Variants in ZNF536 observed in about 807,000 individuals in gnomAD.
ZNF536 encodes the protein zinc finger protein 536.
A neutral mutation model predicts 84.5 loss-of-function variants in ZNF536; 13 were observed. That is an observed-to-expected ratio of 0.15 (90% CI 0.10 to 0.24). The LOEUF is 0.24. ZNF536 is among the 10% of genes least tolerant of loss of function. The pLI is 1.00. For missense variants in ZNF536, 1,536 were observed against 1,747.5 expected, an observed-to-expected ratio of 0.88 and a Z score of 2.16; for synonymous variants, 811 against 742.5, an observed-to-expected ratio of 1.09 and a Z score of -1.50.
At chr19:30,610,773 T>G (rs928115929) in intron 1 of ZNF536, among the ~76,000 whole-genome samples, 1 of 151,520 alleles carries the variant, frequency 6.6e-6, no homozygotes, top group East Asian at 1.9e-4. Flanking sequence ...TGGAGGCGGG[T>G]GGGGGGGATG....
upstream of ZNF536, among the ~76,000 whole-genome samples, chr19:30,227,915 G>T (rs1008479701): frequency 6.6e-6 from 1 of 151,954 alleles, no homozygotes; most frequent in Non-Finnish European, 1.5e-5. Flanking sequence ...CGGGAAGCAC[G>T]CCTGACCAGA....
intron 2 of ZNF536, among the ~76,000 whole-genome samples, chr19:30,478,742 G>T (rs943092320): frequency 6.6e-6 from 1 of 152,110 alleles, no homozygotes; most frequent in Non-Finnish European, 1.5e-5. Context: ...CCTGTAAGTC[G>T]AACTGGATTC....
downstream of ZNF536, among the ~76,000 whole-genome samples, chr19:30,559,232 T>C (rs535308929): frequency 1.3e-5 from 2 of 152,342 alleles, no homozygotes; most frequent in African/African-American, 4.8e-5. Context: ...ATTCCCTTCA[T>C]ATGAAGCTGG....
At chr19:30,240,374 G>GAAA (rs11401648) in intron 1 of ZNF536, among the ~76,000 whole-genome samples, 2 of 147,110 alleles carry the variant, frequency 1.4e-5, no homozygotes, top group South Asian at 4.3e-4. Context: ...CTCTATCTCA[G>GAAA]AAAAAAAAAA....
At chr19:30,439,182 C>T (rs768309199) in intron 1 of ZNF536, among the ~76,000 whole-genome samples, 1 of 152,142 alleles carries the variant, frequency 6.6e-6, no homozygotes, top group Non-Finnish European at 1.5e-5. Context: ...CACACACACA[C>T]ACACCCTTAG....
At chr19:30,467,248 T>C (rs539100299) in intron 2 of ZNF536, among the ~76,000 whole-genome samples, 1 of 152,300 alleles carries the variant, frequency 6.6e-6, no homozygotes, top group African/African-American at 2.4e-5. Context: ...ACTGACACTC[T>C]GTACCCATTC....
chr19:30,503,335 G>A (rs535666640), intron 2 of ZNF536, among the ~76,000 whole-genome samples: 1 of 152,242 alleles, frequency 6.6e-6, no homozygotes, highest in Admixed American at 6.5e-5. Context: ...TAGAAAAATG[G>A]TCAAAGGACA....
intron 1 of ZNF536, among the ~76,000 whole-genome samples, chr19:30,680,123 C>A (rs1472144720): frequency 6.6e-6 from 1 of 152,268 alleles, no homozygotes; most frequent in Non-Finnish European, 1.5e-5. Context: ...CCGGAGATGA[C>A]AATCCTGCCT....
chr19:30,659,351 A>G (rs2050034378), intron 1 of ZNF536, among the ~76,000 whole-genome samples: 1 of 152,102 alleles, frequency 6.6e-6, no homozygotes, highest in South Asian at 2.1e-4. Context: ...AGATCTCGTG[A>G]GCACTCACTC....
At chr19:30,240,818 G>A (rs960383225) in intron 1 of ZNF536, among the ~76,000 whole-genome samples, 8 of 152,200 alleles carry the variant, frequency 5.3e-5, no homozygotes, top group African/African-American at 1.7e-4. Context: ...TTTGGTGGAC[G>A]GAACAGCAAG....
chr19:30,510,117 C>CT (rs553643291), intron 2 of ZNF536, among the ~76,000 whole-genome samples: 4 of 151,132 alleles, frequency 2.6e-5, no homozygotes, highest in Non-Finnish European at 5.9e-5. Flanking sequence ...TTCAGCATAG[C>CT]TTTTTTTTTA....
chr19:30,489,427 TA>T (rs998295571), intron 2 of ZNF536, among the ~76,000 whole-genome samples: 1 of 151,790 alleles, frequency 6.6e-6, no homozygotes, highest in African/African-American at 2.4e-5. Flanking sequence ...AAAAAATTTT[TA>T]AAAATTAGCG....
intron 2 of ZNF536, among the ~76,000 whole-genome samples, chr19:30,490,732 C>A (rs8110509): frequency 0.18 from 26,693 of 152,128 alleles, 2,532 homozygotes; most frequent in Admixed American, 0.21. Context: ...CTAGGGTCCA[C>A]TACCAGGAAA....
chr19:30,599,246 C>T lies in ZNF536; in HGVS notation c.169+49732C>T, dbSNP rs1415442675. Among the ~76,000 whole-genome samples the T allele has an allele frequency of 2.0e-5, 2 of 101,568 alleles. 1 individual carries two copies. Among genetic ancestry groups the T allele is most frequent in the Non-Finnish European group, 4.0e-5 (2 of 49,410 alleles). The allele number at this position is 101,568 out of a possible 152,430, so 66.6% of individuals were successfully genotyped here. A position where few individuals can be genotyped will look rare whatever the true frequency, so the allele number is the denominator to read the frequency against. ...CCTCCCCCTCCCTCCACCCCTCCCC[C>T]ATCTCCTTTCCTCCCTTTCCCCCAT... On this transcript the variant is annotated intron_variant, in intron 1 of 1. Transcript: ENST00000592773.
At chr19:30,502,179 G>A (rs1457357022) in intron 2 of ZNF536, among the ~76,000 whole-genome samples, 1 of 152,212 alleles carries the variant, frequency 6.6e-6, no homozygotes, top group East Asian at 1.9e-4. Context: ...CTACTCCAGG[G>A]AGAACAGAGC....
intron 2 of ZNF536, among the ~76,000 whole-genome samples, chr19:30,284,871 AT>A (rs5827700): frequency 0.23 from 35,414 of 151,492 alleles, 5,051 homozygotes; most frequent in East Asian, 0.54. Flanking sequence ...CTGAATATAT[AT>A]TTTTTTTTAT....
intron 1 of ZNF536, among the ~76,000 whole-genome samples, chr19:30,274,819 A>G (rs2026039112): frequency 6.6e-6 from 1 of 152,224 alleles, no homozygotes; most frequent in Non-Finnish European, 1.5e-5. Flanking sequence ...TGGAACAGAA[A>G]ACAACTCTCC....
At position 30,644,298 on chromosome 19, in the gene ZNF536, C is replaced by T. The variant is rs550007010; in HGVS notation, c.170-66459C>T. Among the ~76,000 whole-genome samples, 18 of 152,098 alleles carry T rather than the reference C, an allele frequency of 1.2e-4. No homozygotes were observed. The East Asian group carries it at 1.5e-3, about 13-fold the overall frequency. ...GTAATCTCTAAGCATGAATTCATAA[C>T]GATTTGGTTTAAAGTATGTACGTCT... On this transcript the variant is annotated intron_variant, in intron 1 of 1. Transcript: ENST00000592773.
intron 1 of ZNF536, among the ~76,000 whole-genome samples, chr19:30,247,585 G>A (rs1236375535): frequency 3.3e-5 from 5 of 152,204 alleles, no homozygotes; most frequent in Non-Finnish European, 7.3e-5. Context: ...ACTTTGGGAA[G>A]TGGGAAGATG....
Sources: gnomAD v4.1 joint callset for allele counts (sites outside exome capture counted in the v4.1 genomes callset) on GRCh38, gnomAD v4.1.1 for gene constraint, MANE v1.5 for transcripts, NCBI Gene and HGNC (gene_info 2026-07-23, HGNC 2026-07-21) for gene names.